Variants in ESR1 observed in about 807,000 individuals in gnomAD.
The protein encoded by ESR1 is estrogen receptor 1.
Under a neutral mutation model 52.7 loss-of-function variants are expected in ESR1, and 12 were observed. That is an observed-to-expected ratio of 0.23 (90% CI 0.15 to 0.37). ESR1 has a LOEUF of 0.37. Ranked by LOEUF, ESR1 falls within the 10% of genes least tolerant of loss-of-function variation. The probability of loss-of-function intolerance (pLI) is 1.00; values close to 1 mark genes in which losing one functional copy is unlikely to be tolerated. For synonymous variants in ESR1, 305 were observed against 316.8 expected (o/e 0.96, Z 0.39); for missense variants, 584 against 779.7 (o/e 0.75, Z 2.99).
chr6:151,958,124 T>TA (rs2037211775), intron 4 of ESR1, among the ~76,000 whole-genome samples: 1 of 152,242 alleles, frequency 6.6e-6, no homozygotes, highest in African/African-American at 2.4e-5. Flanking sequence ...GTTCTTTTAA[T>TA]AAAAAGAGTT....
chr6:151,971,793 G>A (rs1052667694), intron 4 of ESR1, among the ~76,000 whole-genome samples: 4 of 151,550 alleles, frequency 2.6e-5, no homozygotes, highest in African/African-American at 9.7e-5. Flanking sequence ...CAGAAGGAAA[G>A]AAATAACGAA....
chr6:151,674,162 C>G (rs148915561), intron 1 of ESR1, among the ~76,000 whole-genome samples: 2,819 of 152,212 alleles, frequency 0.019, 70 homozygotes, highest in African/African-American at 0.057. Flanking sequence ...GGTATTTGTC[C>G]TAATGCTCTC....
chr6:152,028,360 G>C (rs182566756), intron 5 of ESR1, among the ~76,000 whole-genome samples: 115 of 152,306 alleles, frequency 7.6e-4, no homozygotes, highest in Admixed American at 1.5e-3. Context: ...GCCTCACCTG[G>C]GAAGTGCAAG....
intron 3 of ESR1, among the ~76,000 whole-genome samples, chr6:151,928,813 G>T: frequency 6.6e-6 from 1 of 151,362 alleles, no homozygotes; most frequent in African/African-American, 2.4e-5. Context: ...CTTTTTCTTT[G>T]ACTCATACGT....
At chr6:152,095,518 A>G (rs1467541490) in intron 7 of ESR1, among the ~76,000 whole-genome samples, 3 of 152,182 alleles carry the variant, frequency 2.0e-5, no homozygotes, top group African/African-American at 7.2e-5. Context: ...ACATGTTCTC[A>G]TCGCAATGGC....
intron 2 of ESR1, among the ~76,000 whole-genome samples, chr6:151,768,020 G>C (rs1583198253): frequency 6.6e-6 from 1 of 152,170 alleles, no homozygotes; most frequent in Non-Finnish European, 1.5e-5. Flanking sequence ...TAAGGTATGG[G>C]GAATGTGGAG....
At chr6:152,048,376 A>T (rs1051563133) in intron 5 of ESR1, among the ~76,000 whole-genome samples, 1 of 151,582 alleles carries the variant, frequency 6.6e-6, no homozygotes, top group Non-Finnish European at 1.5e-5. Flanking sequence ...AAAAAAAAAA[A>T]AAAAAAAGTC....
chr6:151,825,318 A>G (rs1297560794), intron 1 of ESR1, among the ~76,000 whole-genome samples: 11 of 152,120 alleles, frequency 7.2e-5, no homozygotes, highest in Non-Finnish European at 1.0e-4. Context: ...GGGCTCTCCA[A>G]TACGTGGTTG....
At chr6:151,998,059 T>G (rs1005332884) in intron 4 of ESR1, among the ~76,000 whole-genome samples, 2 of 152,184 alleles carry the variant, frequency 1.3e-5, no homozygotes, top group Admixed American at 6.6e-5. Flanking sequence ...AAATTTCACA[T>G]TAACTCATTG....
intron 2 of ESR1, among the ~76,000 whole-genome samples, chr6:151,780,375 A>AG (rs1786437741): frequency 6.6e-6 from 1 of 151,984 alleles, no homozygotes; most frequent in African/African-American, 2.4e-5. Flanking sequence ...AAAAAGAAAA[A>AG]GAAAAAAAAC....
At chr6:152,088,887 A>T (rs9322359) in intron 6 of ESR1, among the ~76,000 whole-genome samples, 17,240 of 152,254 alleles carry the variant, frequency 0.11, 1,229 homozygotes, top group East Asian at 0.33. Flanking sequence ...AAATGAAGTA[A>T]TTTTGCAAAT....
chr6:151,861,042 A>T (rs1415307997), intron 2 of ESR1, among the ~76,000 whole-genome samples: 2 of 152,194 alleles, frequency 1.3e-5, no homozygotes, highest in Non-Finnish European at 2.9e-5. Flanking sequence ...CCTGACTTAA[A>T]ATATACTTTA....
At chr6:151,789,409 A>G (rs1395844998) in intron 2 of ESR1, among the ~76,000 whole-genome samples, 1 of 152,222 alleles carries the variant, frequency 6.6e-6, no homozygotes, top group East Asian at 1.9e-4. Context: ...CAAATATGGG[A>G]AAAATAAGAT....
intron 2 of ESR1, among the ~76,000 whole-genome samples, chr6:151,753,951 A>G (rs1784093802): frequency 6.6e-6 from 1 of 152,088 alleles, no homozygotes; most frequent in African/African-American, 2.4e-5. Context: ...ATAGAATTTT[A>G]TGGTGCCCAA....
rs186143794 is a variant in ESR1 at position 151,915,290 on chromosome 6, A to G, written c.761-28883A>G. On this transcript the variant is annotated intron_variant, in intron 3 of 7. Coordinates refer to ENST00000206249, the MANE Select transcript of ESR1 (RefSeq NM_000125.4). ...TGGGAAAGCCCTTTCATTACCAAGA[A>G]TGCATGGAATTCTGCTTATTAATTT... Among the ~76,000 whole-genome samples the G allele has an allele frequency of 9.0e-4, 137 of 152,276 alleles. No homozygotes were observed. The Middle Eastern group carries it at 0.014, about 15-fold the overall frequency.
intron 4 of ESR1, among the ~76,000 whole-genome samples, chr6:151,964,798 C>A (rs545622167): frequency 6.6e-6 from 1 of 152,058 alleles, no homozygotes; most frequent in East Asian, 1.9e-4. Context: ...CCCGCCACCA[C>A]GCCCAGCTAA....
chr6:151,674,321 G>A (rs184182954), intron 1 of ESR1, among the ~76,000 whole-genome samples: 101 of 152,180 alleles, frequency 6.6e-4, no homozygotes, highest in African/African-American at 2.4e-3. Flanking sequence ...TGAGAATGAC[G>A]GTTTCCAGCT....
intron 1 of ESR1, chr6:151,811,295 G>C: frequency 6.6e-6 from 1 of 152,148 alleles, no homozygotes; most frequent in East Asian, 1.9e-4. Flanking sequence ...TCACAATGAA[G>C]GAAACAGGGA....
At chr6:152,128,938 G>A (rs953726206) in exon 7 of ESR1, 9 of 152,258 alleles carry the variant, frequency 5.9e-5, no homozygotes, top group African/African-American at 2.2e-4. Context: ...CTGTGAAGGT[G>A]TTGGATGACG....
Sources: gnomAD v4.1 joint callset for allele counts (sites outside exome capture counted in the v4.1 genomes callset) on GRCh38, gnomAD v4.1.1 for gene constraint, MANE v1.5 for transcripts, NCBI Gene and HGNC (gene_info 2026-07-23, HGNC 2026-07-21) for gene names.